The following USP12 variants were observed in gnomAD, a reference collection of about 807,000 sequenced individuals.
USP12 encodes the protein ubiquitin specific peptidase 12, also known as ubiquitin carboxyl-terminal hydrolase 12.
Under a neutral mutation model 45.5 loss-of-function variants are expected in USP12, and 19 were observed. The ratio of observed to expected loss-of-function variants is 0.42; its 90% CI spans 0.29 to 0.61. The LOEUF (loss-of-function observed/expected upper bound fraction) is 0.61. USP12 is among the 20% of genes least tolerant of loss of function. The pLI is 0.22. For missense variants in USP12, 242 were observed against 447.7 expected (o/e 0.54, Z 4.15); for synonymous variants, 149 against 148.8 (o/e 1.00, Z -0.01).
intron 1 of USP12, among the ~76,000 whole-genome samples, chr13:27,132,215 A>G (rs1283380952): frequency 6.6e-6 from 1 of 152,176 alleles, no homozygotes; most frequent in Non-Finnish European, 1.5e-5. Flanking sequence ...TCCATGCTTT[A>G]TCTTTGGTGT....
chr13:27,170,252 G>C, intron 1 of USP12: 3 of 398,432 alleles, frequency 7.5e-6, no homozygotes, highest in Middle Eastern at 6.3e-4. Context: ...CCTGATTTCA[G>C]TCATTTTTTG....
intron 1 of USP12, among the ~76,000 whole-genome samples, chr13:27,138,758 C>T (rs1378979904): frequency 2.6e-5 from 4 of 152,226 alleles, no homozygotes; most frequent in Non-Finnish European, 5.9e-5. Flanking sequence ...TGCTATGTTT[C>T]AGGTAGTGTT....
chr13:27,146,257 C>A (rs1394017013), intron 1 of USP12, among the ~76,000 whole-genome samples: 1 of 152,070 alleles, frequency 6.6e-6, no homozygotes, highest in Non-Finnish European at 1.5e-5. Flanking sequence ...CAAAAATTAG[C>A]CAGGTGTGGT....
intron 1 of USP12, among the ~76,000 whole-genome samples, chr13:27,167,325 T>G (rs1878394564): frequency 6.6e-6 from 1 of 152,080 alleles, no homozygotes; most frequent in Non-Finnish European, 1.5e-5. Context: ...TTGACCTTCC[T>G]TTTGCTTTCT....
chr13:27,153,688 A>G (rs1407673447), intron 1 of USP12, among the ~76,000 whole-genome samples: 1 of 152,144 alleles, frequency 6.6e-6, no homozygotes, highest in Non-Finnish European at 1.5e-5. Context: ...TGTGAATTTA[A>G]GTCTCATTTC....
rs977652219 is a variant in USP12, at chr13:27,069,412, C to T, written c.1012-28G>A. 5 of 1,502,746 alleles carry T rather than the reference C, an allele frequency of 3.3e-6. No homozygotes were observed. The Admixed American group carries it at 5.0e-5, about 15-fold the overall frequency. 93.1% of individuals were successfully genotyped at this position (1,502,746 alleles called of 1,614,324 possible). Reference sequence around the variant, plus strand: ...GTGAGGTAAAATGTAAACATTAGTACATAAATGAGCTCTGTACAGCCAGAA... The same window carrying T: ...GTGAGGTAAAATGTAAACATTAGTATATAAATGAGCTCTGTACAGCCAGAA... On this transcript the variant is annotated intron_variant, in intron 8 of 8. Coordinates refer to ENST00000282344, the MANE Select transcript of USP12 (RefSeq NM_182488.4).
intron 2 of USP12, among the ~76,000 whole-genome samples, chr13:27,106,679 T>C (rs1875153597): frequency 1.3e-5 from 2 of 152,168 alleles, no homozygotes; most frequent in East Asian, 3.9e-4. Context: ...TTGGGTGATA[T>C]CAAATGTATG....
At chr13:27,086,195 A>ATATATATATATATAT (rs1326329926) in intron 6 of USP12, among the ~76,000 whole-genome samples, 9 of 61,998 alleles carry the variant, frequency 1.5e-4, no homozygotes, top group Non-Finnish European at 2.4e-4. Context: ...AAAAAAAAAA[A>ATATATATATATATAT]AAATATATAT....
At chr13:27,137,673 C>T (rs1368423858) in intron 1 of USP12, among the ~76,000 whole-genome samples, 2 of 152,188 alleles carry the variant, frequency 1.3e-5, no homozygotes, top group South Asian at 2.1e-4. Context: ...AGTGTTCCCC[C>T]GATCTCAGCC....
At chr13:27,099,159 G>A (rs1451615491) in intron 3 of USP12, among the ~76,000 whole-genome samples, 1 of 152,156 alleles carries the variant, frequency 6.6e-6, no homozygotes, top group Admixed American at 6.5e-5. Flanking sequence ...GTAGCATCAA[G>A]GTATTTCAAA....
intron 7 of USP12, 52 bp downstream of exon 7, chr13:27,075,139 C>G: frequency 1.3e-6 from 2 of 1,572,970 alleles, no homozygotes; most frequent in Non-Finnish European, 1.7e-6. Flanking sequence ...TGAATGTACC[C>G]TGCTCTTCTA....
rs184367622 is a variant in USP12, at chr13:27,123,041, G to A, written c.49-6445C>T. Among the ~76,000 whole-genome samples the A allele has an allele frequency of 4.8e-3, 728 of 151,314 alleles. 7 individuals carry two copies. Among genetic ancestry groups the A allele is most frequent in the African/African-American group, 0.015 (621 of 41,162 alleles). Reference sequence around the variant, plus strand: ...TGGGAGGCGGAGCTTGCAGTGAGCCGAGATCGCACCACTGCACTCCAGCCT... The same window carrying A: ...TGGGAGGCGGAGCTTGCAGTGAGCCAAGATCGCACCACTGCACTCCAGCCT... On this transcript the variant is annotated intron_variant, in intron 1 of 8. Transcript: ENST00000282344.
chr13:27,153,074 G>C (rs1283727035), intron 1 of USP12, among the ~76,000 whole-genome samples: 1 of 152,200 alleles, frequency 6.6e-6, no homozygotes, highest in South Asian at 2.1e-4. Context: ...GCTCACACCT[G>C]TAATCCCAGT....
In USP12 at chr13:27,071,088, C is replaced by T; in HGVS notation, c.994G>A (p.Asp332Asn). 1.9e-6 allele frequency: 3 copies of T among 1,609,514 alleles called. No homozygotes were observed. Among genetic ancestry groups the T allele is most frequent in the Non-Finnish European group, 2.5e-6 (3 of 1,178,854 alleles). ...CTACTTACTTCTACAATGTCGTCAT[C>T]AAACAACAACCAAAAATCATGACTC... ...VKSHDFWLLF[D>N]DDIVEKIDAQ... The change falls in exon 8 of 9, where the codon GAT (aspartate) becomes AAT (asparagine). Residue 332 changes from aspartate (D) to asparagine (N), a missense_variant. By Grantham distance (23) the Asp-to-Asn change is conservative (BLOSUM62 1). Coordinates refer to ENST00000282344, the MANE Select transcript of USP12 (RefSeq NM_182488.4).
At chr13:27,097,187 C>G (rs911810850) in intron 3 of USP12, among the ~76,000 whole-genome samples, 46 of 151,476 alleles carry the variant, frequency 3.0e-4, no homozygotes, top group African/African-American at 1.1e-3. Context: ...AAAAAGCAGG[C>G]CAAGCGCAGT....
chr13:27,107,732 T>C (rs1875212004), intron 2 of USP12, among the ~76,000 whole-genome samples: 1 of 152,164 alleles, frequency 6.6e-6, no homozygotes. Flanking sequence ...AAATGTACAA[T>C]GTGCCTTCTC....
At chr13:27,086,911 G>A (rs936277082) in intron 6 of USP12, among the ~76,000 whole-genome samples, 2 of 152,160 alleles carry the variant, frequency 1.3e-5, no homozygotes. Context: ...TTTTGATTCC[G>A]TGGTCCATTA....
At chr13:27,072,182 GTATT>G (rs1873275088) in intron 7 of USP12, among the ~76,000 whole-genome samples, 2 of 151,630 alleles carry the variant, frequency 1.3e-5, no homozygotes, top group African/African-American at 2.4e-5. Flanking sequence ...GTCTATTTCT[GTATT>G]TATTTAGGCT....
intron 1 of USP12, among the ~76,000 whole-genome samples, chr13:27,166,704 T>G (rs551423680): frequency 6.6e-6 from 1 of 152,270 alleles, no homozygotes; most frequent in Non-Finnish European, 1.5e-5. Flanking sequence ...TTCAAGCATA[T>G]TAAAAATTTC....
Sources: gnomAD v4.1 joint callset for allele counts (sites outside exome capture counted in the v4.1 genomes callset) on GRCh38, gnomAD v4.1.1 for gene constraint, MANE v1.5 for transcripts, NCBI Gene and HGNC (gene_info 2026-07-23, HGNC 2026-07-21) for gene names.